Variants in SF3B3 observed in about 807,000 individuals in gnomAD.
SF3B3 encodes the protein SAP 130.
SF3B3 carries 33 observed loss-of-function variants against 139.2 expected under a neutral mutation model. The ratio of observed to expected loss-of-function variants is 0.24; its 90% CI spans 0.18 to 0.32. The LOEUF is 0.32. Ranked by LOEUF, SF3B3 falls within the 10% of genes least tolerant of loss-of-function variation. The pLI, the probability that SF3B3 is intolerant of heterozygous loss-of-function variation, is 1.00. For synonymous variants in SF3B3, 596 were observed against 563.6 expected, an observed-to-expected ratio of 1.06 and a Z score of -0.81; for missense variants, 818 against 1,509.4, an observed-to-expected ratio of 0.54 and a Z score of 7.59.
At chr16:70,540,239 A>C (rs1017417795) in intron 8 of SF3B3, among the ~76,000 whole-genome samples, 1 of 151,456 alleles carries the variant, frequency 6.6e-6, no homozygotes, top group Admixed American at 6.6e-5. Flanking sequence ...TACTAAAAGT[A>C]CAAAATGAGC....
rs182247887 is a variant in SF3B3 at position 70,551,995 on chromosome 16, G to T, written c.1403-2451G>T. 3.9e-5 allele frequency among the ~76,000 whole-genome samples: 6 copies of T among 152,302 alleles called. No individual in the cohort carries two copies. In the East Asian group the frequency reaches 1.2e-3, roughly 29 times the overall value. ...TGATGTAAAGCAGCTTTGAGATGTC[G>T]TTGGCTCTCCCACTTGTTGAATTGT... On this transcript the variant is annotated intron_variant, in intron 11 of 25. Coordinates refer to ENST00000302516, the MANE Select transcript of SF3B3 (RefSeq NM_012426.5).
chr16:70,531,926 T>C (rs1355807825), intron 4 of SF3B3, among the ~76,000 whole-genome samples: 1 of 152,192 alleles, frequency 6.6e-6, no homozygotes, highest in Non-Finnish European at 1.5e-5. Context: ...GTCAGCCAGG[T>C]GTGGTGGCAT....
chr16:70,568,188 C>T, intron 21 of SF3B3, 95 bp from the exon 22 acceptor site: 1 of 938,606 alleles, frequency 1.1e-6, no homozygotes, highest in Non-Finnish European at 1.7e-6. Flanking sequence ...TGCTGTTCTG[C>T]TGACCCTACG....
At chr16:70,568,841 T>C (rs573631865) in intron 22 of SF3B3, among the ~76,000 whole-genome samples, 5 of 152,376 alleles carry the variant, frequency 3.3e-5, no homozygotes, top group Non-Finnish European at 7.3e-5. Context: ...AAACTCTTGC[T>C]CATGGGTCGA....
At chr16:70,527,838 T>G (rs2050079203) in intron 2 of SF3B3, among the ~76,000 whole-genome samples, 1 of 151,962 alleles carries the variant, frequency 6.6e-6, no homozygotes, top group South Asian at 2.1e-4. Context: ...CGCAGTGGTG[T>G]GATCTTGGCT....
At chr16:70,540,327 G>C (rs1160051941) in intron 8 of SF3B3, among the ~76,000 whole-genome samples, 2 of 151,946 alleles carry the variant, frequency 1.3e-5, no homozygotes, top group Admixed American at 6.5e-5. Context: ...TTCCCGAAGT[G>C]TTGGGACTAC....
intron 2 of SF3B3, 177 bp downstream of exon 2, chr16:70,526,903 A>T (rs1473640579): frequency 1.2e-5 from 7 of 599,918 alleles, no homozygotes; most frequent in South Asian, 2.0e-5. Flanking sequence ...CCTATTTCAG[A>T]TGCATTTCCT....
intron 15 of SF3B3, among the ~76,000 whole-genome samples, chr16:70,559,339 G>A (rs1347238155): frequency 1.3e-5 from 2 of 151,966 alleles, no homozygotes; most frequent in African/African-American, 4.8e-5. Context: ...AAGGAGTGAG[G>A]GCCACAGCAC....
rs937623820 is a variant in SF3B3, at chr16:70,560,679, A to G, written c.2133+88A>G. On this transcript the variant is annotated intron_variant, in intron 16 of 25. Coordinates refer to ENST00000302516, the MANE Select transcript of SF3B3 (RefSeq NM_012426.5). ...AATCTTTGCTGTAAGCTTCACTGTC[A>G]CTAATTTGCCACTCCATCTTGATTG... The G allele has an allele frequency of 4.8e-6, 7 of 1,458,770 alleles. No individual in the cohort carries two copies. The East Asian group carries it at 7.2e-5, about 15-fold the overall frequency. The allele number at this position is 1,458,770 out of a possible 1,614,324, so 90.4% of individuals were successfully genotyped here.
intron 14 of SF3B3, 140 bp downstream of exon 14, chr16:70,556,474 C>G: frequency 1.2e-6 from 1 of 857,514 alleles, no homozygotes; most frequent in Non-Finnish European, 1.9e-6. Context: ...CCTGCTGCTT[C>G]TCTTGTCATT....
intron 5 of SF3B3, among the ~76,000 whole-genome samples, chr16:70,535,061 A>G (rs962726689): frequency 2.6e-5 from 4 of 152,286 alleles, no homozygotes; most frequent in African/African-American, 9.6e-5. Context: ...GAAGATGAGA[A>G]CTGCATTTGG....
chr16:70,538,929 G>A (rs574013099), intron 7 of SF3B3, among the ~76,000 whole-genome samples, 175 bp from the exon 8 acceptor site: 7 of 152,190 alleles, frequency 4.6e-5, no homozygotes, highest in Non-Finnish European at 8.8e-5. Context: ...TGCCATTATA[G>A]TACAAGACAG....
rs960004902 is a variant in SF3B3 at position 70,576,095 on chromosome 16, A to G, written c.*4282A>G. Reference sequence around the variant, plus strand: ...GTGAAGCCCTGTTTTTTTTTTTTTAAAAAAAGAGTCTGCTGGTGATGTCTG... The same window carrying G: ...GTGAAGCCCTGTTTTTTTTTTTTTAGAAAAAGAGTCTGCTGGTGATGTCTG... On this transcript the variant is annotated 3_prime_UTR_variant, in exon 26 of 26. Coordinates refer to ENST00000302516, the MANE Select transcript of SF3B3 (RefSeq NM_012426.5). 1 of 151,062 alleles carries G rather than the reference A, an allele frequency of 6.6e-6. No homozygotes were observed. Among genetic ancestry groups the G allele is most frequent in the Non-Finnish European group, 1.5e-5 (1 of 67,742 alleles). The allele number at this position is 151,062 out of a possible 1,614,324, so 9.4% of individuals were successfully genotyped here.
intron 9 of SF3B3, among the ~76,000 whole-genome samples, chr16:70,543,703 G>A (rs1356419849): frequency 6.6e-6 from 1 of 150,996 alleles, no homozygotes; most frequent in Non-Finnish European, 1.5e-5. Context: ...GTGAGACTCT[G>A]TCTTAAAAAA....
At chr16:70,559,918 G>C (rs1270956791) in intron 15 of SF3B3, among the ~76,000 whole-genome samples, 2 of 119,320 alleles carry the variant, frequency 1.7e-5, no homozygotes, top group African/African-American at 6.2e-5. Flanking sequence ...TTTTTGAGGG[G>C]TGCGGGGGGG....
chr16:70,545,834 A>G (rs1020999811), intron 10 of SF3B3, among the ~76,000 whole-genome samples: 3 of 152,212 alleles, frequency 2.0e-5, no homozygotes, highest in Non-Finnish European at 4.4e-5. Flanking sequence ...AAGGTATGGC[A>G]TGAAGTGTTC....
intron 20 of SF3B3, among the ~76,000 whole-genome samples, chr16:70,566,423 A>C (rs552468414): frequency 1.3e-5 from 2 of 152,022 alleles, no homozygotes; most frequent in Non-Finnish European, 2.9e-5. Context: ...TCAGCCAAGC[A>C]TGGTGGTGGG....
At position 70,574,660 on chromosome 16, in the gene SF3B3, A is replaced by T. The variant is rs2050560901; in HGVS notation, c.*2847A>T. The T allele has an allele frequency of 6.6e-6, 1 of 152,184 alleles. No homozygotes were observed. Among genetic ancestry groups the T allele is most frequent in the Non-Finnish European group, 1.5e-5 (1 of 68,042 alleles). 9.4% of individuals were successfully genotyped at this position (152,184 alleles called of 1,614,324 possible). ...CAGGCATGTGCCATCACGTCCAGCT[A>T]ATTTTTGTATTTTTAGTAGAGAAGG... is the stretch of plus-strand genomic sequence containing the variant. On this transcript the variant is annotated 3_prime_UTR_variant, in exon 26 of 26. Coordinates refer to ENST00000302516, the MANE Select transcript of SF3B3 (RefSeq NM_012426.5).
intron 8 of SF3B3, among the ~76,000 whole-genome samples, chr16:70,541,150 T>A (rs765801941): frequency 2.0e-5 from 3 of 152,204 alleles, no homozygotes; most frequent in Non-Finnish European, 4.4e-5. Flanking sequence ...TATGCAGTGG[T>A]GGTATGAAGT....
Sources: gnomAD v4.1 joint callset for allele counts (sites outside exome capture counted in the v4.1 genomes callset) on GRCh38, gnomAD v4.1.1 for gene constraint, MANE v1.5 for transcripts, NCBI Gene and HGNC (gene_info 2026-07-23, HGNC 2026-07-21) for gene names.